The following RALGDS variants were observed in gnomAD, a reference collection of about 807,000 sequenced individuals.
RALGDS encodes ral guanine nucleotide exchange factor.
In RALGDS, 44 loss-of-function variants were observed where a neutral mutation model predicts 99.8. That is an observed-to-expected ratio of 0.44 (90% CI 0.35 to 0.57). RALGDS has a LOEUF of 0.57. RALGDS is among the 20% of genes least tolerant of loss of function. The pLI is 0.01. For synonymous variants in RALGDS, 529 were observed against 505.0 expected, an observed-to-expected ratio of 1.05 and a Z score of -0.64; for missense variants, 1,022 against 1,203.1, an observed-to-expected ratio of 0.85 and a Z score of 2.23.
chr9:133,120,901 G>T, intron 1 of RALGDS, 71 bp downstream of exon 1: 1 of 1,391,410 alleles, frequency 7.2e-7, no homozygotes, highest in South Asian at 1.5e-5. Flanking sequence ...GGCTCGCCCC[G>T]ACCTGCCCAG....
upstream of RALGDS, among the ~76,000 whole-genome samples, chr9:133,134,065 G>A (rs2519198): frequency 6.6e-5 from 10 of 152,032 alleles, no homozygotes; most frequent in African/African-American, 2.4e-4. Flanking sequence ...GTGTCCAGCT[G>A]GGGGGACACT....
At position 133,110,490 on chromosome 9, in the gene RALGDS, C is replaced by T; in HGVS notation, c.295-1G>A. On this transcript the variant is annotated splice_acceptor_variant, in intron 2 of 17. Transcript: ENST00000372050. LOFTEE classifies it high-confidence loss of function. Reference sequence around the variant, plus strand: ...GGTTCAGGGCCGACTCATTCTCATACTGGGGTGGGACAGAGGAGGGACAGA... The same window carrying T: ...GGTTCAGGGCCGACTCATTCTCATATTGGGGTGGGACAGAGGAGGGACAGA... 6.2e-7 allele frequency: 1 copy of T among 1,610,782 alleles called. No homozygotes were observed. The highest frequency in any genetic ancestry group is 8.5e-7 in the Non-Finnish European group (1 of 1,178,080).
At chr9:133,106,167 G>A (rs1831043420) in intron 8 of RALGDS, 151 bp from the exon 9 acceptor site, 3 of 672,932 alleles carry the variant, frequency 4.5e-6, no homozygotes, top group East Asian at 6.0e-5. Flanking sequence ...GCAGGTCTGG[G>A]GAGGGGGCCT....
chr9:133,142,407 C>T (rs537197224), intron 1 of RALGDS, among the ~76,000 whole-genome samples: 3 of 152,244 alleles, frequency 2.0e-5, no homozygotes, highest in African/African-American at 4.8e-5. Context: ...GAAAGCCCAT[C>T]GGAAAGCCCC....
intron 17 of RALGDS, 52 bp from the exon 18 acceptor site, chr9:133,098,814 G>A: frequency 1.3e-6 from 2 of 1,575,280 alleles, no homozygotes; most frequent in Non-Finnish European, 1.7e-6. Context: ...GGGCCCTGCA[G>A]GATACCCCTA....
At chr9:133,107,411 G>A (rs1370511436) in intron 6 of RALGDS, 111 bp from the exon 7 acceptor site, 1 of 984,528 alleles carries the variant, frequency 1.0e-6, no homozygotes, top group African/African-American at 1.6e-5. Flanking sequence ...TTTATCCCGT[G>A]TCCATGCAGG....
chr9:133,129,181 C>T lies in RALGDS; in HGVS notation c.132+1771G>A, dbSNP rs550799647. 3.8e-5 allele frequency: 60 copies of T among 1,595,958 alleles called. No individual in the cohort carries two copies. In the African/African-American group the frequency reaches 4.3e-4, roughly 11 times the overall value. On this transcript the variant is annotated intron_variant, in intron 1 of 17. Transcript: ENST00000372062. ...CTGGCAGAGGTGCCAGCCAAGGTGTCGGGCTTTGGAGAGCGGCACGACGGG... is the reference window on the plus strand; with the variant it reads ...CTGGCAGAGGTGCCAGCCAAGGTGTTGGGCTTTGGAGAGCGGCACGACGGG...
At chr9:133,129,326 C>T (rs760530344) in intron 1 of RALGDS, 67 of 1,573,690 alleles carry the variant, frequency 4.3e-5, no homozygotes, top group Admixed American at 2.5e-4. Flanking sequence ...CATGGTGGGG[C>T]GAGAGCCAGG....
In RALGDS at chr9:133,103,277, C is replaced by T. The variant is rs1248776822; in HGVS notation, c.1759-15G>A. On this transcript the variant is annotated splice_polypyrimidine_tract_variant and intron_variant, in intron 11 of 17. Coordinates refer to ENST00000372050, the MANE Select transcript of RALGDS (RefSeq NM_006266.4). ...ATGAGTCTGCCCTGGAAGGTGGACACCCAATGGCCGTCAGAAAGTGACCCC... is the reference window on the plus strand; with the variant it reads ...ATGAGTCTGCCCTGGAAGGTGGACATCCAATGGCCGTCAGAAAGTGACCCC... The T allele has an allele frequency of 1.2e-6, 2 of 1,613,970 alleles. No homozygotes were observed. The highest frequency in any genetic ancestry group is 1.7e-6 in the Non-Finnish European group (2 of 1,180,012).
Position 133,103,729 on chromosome 9 carries a change from C to T in RALGDS, c.1758+18G>A, listed in dbSNP as rs2119131589. 6.2e-7 allele frequency: 1 copy of T among 1,612,826 alleles called. No homozygotes were observed. The highest frequency in any genetic ancestry group is 8.5e-7 in the Non-Finnish European group (1 of 1,179,602). On this transcript the variant is annotated intron_variant, in intron 11 of 17. Transcript: ENST00000372050. ...CTCTCCTCCCGGGCCCTACTCCAGC[C>T]CCGCCCGGCACACTCACATACAGAT...
chr9:133,117,985 G>A (rs948221835), intron 1 of RALGDS, among the ~76,000 whole-genome samples: 1 of 152,210 alleles, frequency 6.6e-6, no homozygotes, highest in Non-Finnish European at 1.5e-5. Flanking sequence ...CGAGCAGCTT[G>A]ATATCTCCCA....
chr9:133,113,732 C>T (rs1392432846), intron 1 of RALGDS, among the ~76,000 whole-genome samples: 4 of 152,202 alleles, frequency 2.6e-5, no homozygotes, highest in Non-Finnish European at 5.9e-5. Flanking sequence ...CCCGGGCCTC[C>T]TCAGGGGTCC....
intron 9 of RALGDS, 163 bp from the exon 10 acceptor site, chr9:133,104,494 C>T: frequency 1.5e-6 from 1 of 666,966 alleles, no homozygotes; most frequent in South Asian, 1.7e-5. Flanking sequence ...GAGCCTGCCT[C>T]CCCCTCTGGA....
chr9:133,134,025 C>T (rs117098121), upstream of RALGDS, among the ~76,000 whole-genome samples: 3,332 of 152,310 alleles, frequency 0.022, 59 homozygotes, highest in Middle Eastern at 0.078. Flanking sequence ...CTGCTGCTAA[C>T]TTGACTCAGG....
intron 5 of RALGDS, 87 bp downstream of exon 5, chr9:133,108,586 G>C (rs1831188566): frequency 6.5e-7 from 1 of 1,533,732 alleles, no homozygotes; most frequent in Non-Finnish European, 8.9e-7. Context: ...CCCTGACCCA[G>C]CACCAGACCC....
At chr9:133,132,151 G>A (rs1351696221), upstream of RALGDS, among the ~76,000 whole-genome samples, 3 of 152,252 alleles carry the variant, frequency 2.0e-5, no homozygotes, top group African/African-American at 7.2e-5. Flanking sequence ...CTAGCAGATA[G>A]CTTGGAAATG....
rs112426780 is a variant in RALGDS at position 133,128,335 on chromosome 9, G to A, written c.132+2617C>T. 3.8e-4 allele frequency among the ~76,000 whole-genome samples: 58 copies of A among 152,300 alleles called. 1 individual carries two copies. The highest frequency in any genetic ancestry group is 1.3e-3 in the African/African-American group (52 of 41,542). ...GCGCAGAGGGGCTGCGGGGGGTGCT[G>A]GGCACACCTGGCTGAGGAAGGGACC... On this transcript the variant is annotated intron_variant, in intron 1 of 17. Coordinates refer to the RALGDS transcript ENST00000372062.
chr9:133,119,993 G>C (rs1351049880), intron 1 of RALGDS, among the ~76,000 whole-genome samples: 1 of 152,218 alleles, frequency 6.6e-6, no homozygotes, highest in Non-Finnish European at 1.5e-5. Flanking sequence ...GCCGCACGGG[G>C]ACTCAGGAGG....
intron 14 of RALGDS, 146 bp from the exon 15 acceptor site, chr9:133,102,285 A>G: frequency 3.6e-6 from 4 of 1,102,672 alleles, no homozygotes; most frequent in Non-Finnish European, 5.2e-6. Context: ...GAGAGCATTT[A>G]GTATCACCCC....
Sources: gnomAD v4.1 joint callset for allele counts (sites outside exome capture counted in the v4.1 genomes callset) on GRCh38, gnomAD v4.1.1 for gene constraint, MANE v1.5 for transcripts, NCBI Gene and HGNC (gene_info 2026-07-23, HGNC 2026-07-21) for gene names.